The following DOCK8 variants were observed in gnomAD, a reference collection of about 807,000 sequenced individuals.
DOCK8 encodes dedicator of cytokinesis 8.
DOCK8 carries 141 observed loss-of-function variants against 245.6 expected under a neutral mutation model. The ratio of observed to expected loss-of-function variants is 0.57; its 90% CI spans 0.50 to 0.66. DOCK8 has a LOEUF of 0.66. Among genes scored for constraint, DOCK8 ranks in the 30% least tolerant of loss-of-function variants. DOCK8 has a pLI of 0.00. For missense variants in DOCK8, 2,965 were observed against 2,603.4 expected, an observed-to-expected ratio of 1.14 and a Z score of -3.02; for synonymous variants, 1,168 against 970.2, an observed-to-expected ratio of 1.20 and a Z score of -3.79.
chr9:228,917 T>C (rs2047045488), intron 1 of DOCK8, among the ~76,000 whole-genome samples: 1 of 152,192 alleles, frequency 6.6e-6, no homozygotes. Flanking sequence ...TGGTGCTGAC[T>C]GTTGGCTGAG....
At chr9:240,571 A>G (rs10965586) in intron 1 of DOCK8, among the ~76,000 whole-genome samples, 21,477 of 152,174 alleles carry the variant, frequency 0.14, 1,896 homozygotes, top group East Asian at 0.41. Flanking sequence ...AGAGCTATTA[A>G]TGTATTATGG....
At chr9:386,256 A>C in intron 22 of DOCK8, 75 bp from the exon 23 acceptor site, 1 of 1,240,492 alleles carries the variant, frequency 8.1e-7, no homozygotes, top group South Asian at 1.2e-5. Context: ...ATGAATTCTG[A>C]GGTTGTGATT....
intron 7 of DOCK8, among the ~76,000 whole-genome samples, chr9:324,294 A>T (rs1056566856): frequency 6.6e-6 from 1 of 152,290 alleles, no homozygotes; most frequent in Middle Eastern, 3.4e-3. Context: ...AGACAAAGCT[A>T]TCCATTGATG....
chr9:256,246 T>G (rs2047771830), intron 1 of DOCK8, among the ~76,000 whole-genome samples: 1 of 152,180 alleles, frequency 6.6e-6, no homozygotes, highest in Non-Finnish European at 1.5e-5. Context: ...GGTGGCTTCC[T>G]GGAGAATGTT....
chr9:235,673 G>A (rs968036091), intron 1 of DOCK8, among the ~76,000 whole-genome samples: 6 of 152,196 alleles, frequency 3.9e-5, no homozygotes, highest in African/African-American at 1.2e-4. Context: ...AGCAATGAGC[G>A]AGAGTCCATG....
rs77803650 is a variant in DOCK8 at position 422,052 on chromosome 9, C to T, written c.4158C>T (p.Asn1386=). 5.0e-4 allele frequency: 799 copies of T among 1,613,734 alleles called. 3 individuals carry two copies. In the African/African-American group the frequency reaches 6.2e-3, roughly 13 times the overall value. Residue 1386 remains asparagine (N), a synonymous_variant, in exon 33 of 48, where the codon AAC becomes AAT. Coordinates refer to ENST00000432829, the MANE Select transcript of DOCK8 (RefSeq NM_203447.4). ...GEMMRRRAPG[N]DRFPGLNENL... ...CATGCATTTCTTAACTCCTAGGGAA[C>T]GACCGATTTCCAGGCCTAAATGAAA...
intron 1 of DOCK8, among the ~76,000 whole-genome samples, chr9:235,267 C>G (rs989085392): frequency 3.9e-5 from 6 of 152,146 alleles, no homozygotes; most frequent in African/African-American, 1.4e-4. Flanking sequence ...AGTTTTGTGT[C>G]AGAGGAGTAC....
chr9:353,734 A>C (rs2052289080), intron 14 of DOCK8, among the ~76,000 whole-genome samples: 1 of 152,152 alleles, frequency 6.6e-6, no homozygotes, highest in Non-Finnish European at 1.5e-5. Flanking sequence ...GTGTCTTGAA[A>C]CTTAACTTTT....
At chr9:421,889 T>C (rs975024158) in intron 32 of DOCK8, among the ~76,000 whole-genome samples, 159 bp from the exon 33 acceptor site, 6 of 152,194 alleles carry the variant, frequency 3.9e-5, no homozygotes, top group African/African-American at 1.4e-4. Context: ...AACTTGGACA[T>C]AGGTGTGGCG....
chr9:319,976 T>A (rs947508555), intron 7 of DOCK8, among the ~76,000 whole-genome samples: 2 of 152,238 alleles, frequency 1.3e-5, no homozygotes, highest in Admixed American at 1.3e-4. Context: ...GGACCTTCCA[T>A]AACAATCTCC....
At chr9:355,621 G>A (rs2052401431) in intron 14 of DOCK8, among the ~76,000 whole-genome samples, 1 of 152,128 alleles carries the variant, frequency 6.6e-6, no homozygotes, top group South Asian at 2.1e-4. Context: ...ACACTCCAAA[G>A]AAATAAGCCT....
chr9:353,992 T>G (rs934160967), intron 14 of DOCK8, among the ~76,000 whole-genome samples: 2 of 152,210 alleles, frequency 1.3e-5, no homozygotes, highest in Non-Finnish European at 2.9e-5. Context: ...GTTCTTATAC[T>G]TCTTTGGAGA....
intron 14 of DOCK8, among the ~76,000 whole-genome samples, chr9:347,542 T>C (rs1305643969): frequency 3.9e-5 from 6 of 152,174 alleles, no homozygotes; most frequent in Non-Finnish European, 7.3e-5. Context: ...AAGTATCAGA[T>C]GATGCGGAAG....
intron 26 of DOCK8, among the ~76,000 whole-genome samples, chr9:400,880 TCCACCACCACCA>T (rs1191716932): frequency 2.7e-5 from 1 of 36,724 alleles, no homozygotes; most frequent in East Asian, 1.2e-3. Flanking sequence ...CACCACCACC[TCCACCACCACCA>T]CCTCCCCCAC....
intron 36 of DOCK8, among the ~76,000 whole-genome samples, chr9:430,196 G>A (rs2056657928): frequency 6.6e-6 from 1 of 152,112 alleles, no homozygotes; most frequent in Non-Finnish European, 1.5e-5. Flanking sequence ...CCAGCATGGT[G>A]AAATCCTGTC....
At chr9:237,654 C>A (rs2131398669) in intron 1 of DOCK8, among the ~76,000 whole-genome samples, 1 of 152,180 alleles carries the variant, frequency 6.6e-6, no homozygotes, top group South Asian at 2.1e-4. Flanking sequence ...GACCCTGTCT[C>A]AGAAAAAATA....
At chr9:305,745 A>C (rs1375866198) in intron 5 of DOCK8, among the ~76,000 whole-genome samples, 1 of 152,244 alleles carries the variant, frequency 6.6e-6, no homozygotes, top group Admixed American at 6.5e-5. Flanking sequence ...AGACAGAAAG[A>C]AAGCAAGCCT....
At chr9:400,916 TTCACCATCACCACAACATCCA>T in intron 26 of DOCK8, among the ~76,000 whole-genome samples, 1 of 39,946 alleles carries the variant, frequency 2.5e-5, no homozygotes, top group Non-Finnish European at 3.9e-5. Flanking sequence ...CAACAGCTCC[TTCACCATCACCACAACATCCA>T]CCACCACCAT....
chr9:216,576 A>G (rs2046760001), intron 1 of DOCK8, among the ~76,000 whole-genome samples: 1 of 149,564 alleles, frequency 6.7e-6, no homozygotes, highest in African/African-American at 2.4e-5. Flanking sequence ...GGCATGAAGT[A>G]TATCAGGGAT....
Sources: gnomAD v4.1 joint callset for allele counts (sites outside exome capture counted in the v4.1 genomes callset) on GRCh38, gnomAD v4.1.1 for gene constraint, MANE v1.5 for transcripts, NCBI Gene and HGNC (gene_info 2026-07-23, HGNC 2026-07-21) for gene names.